Variants in DAB1 observed in about 807,000 individuals in gnomAD.
DAB1 encodes disabled homolog 1.
DAB1 carries 15 observed loss-of-function variants against 64.6 expected under a neutral mutation model. That is an observed-to-expected ratio of 0.23 (90% CI 0.16 to 0.36). DAB1 has a LOEUF of 0.36. DAB1 is among the 10% of genes least tolerant of loss of function. DAB1 has a pLI of 1.00. For missense variants in DAB1, 596 were observed against 706.7 expected, an observed-to-expected ratio of 0.84 and a Z score of 1.78; for synonymous variants, 235 against 251.9, an observed-to-expected ratio of 0.93 and a Z score of 0.64.
At chr1:58,246,702 T>G (rs753227054) in intron 4 of DAB1, among the ~76,000 whole-genome samples, 36 of 152,136 alleles carry the variant, frequency 2.4e-4, no homozygotes, top group Non-Finnish European at 4.4e-4. Flanking sequence ...TGTCTAATGC[T>G]GTGTATATGT....
chr1:57,683,854 C>T (rs527251377), intron 6 of DAB1, among the ~76,000 whole-genome samples: 1 of 152,080 alleles, frequency 6.6e-6, no homozygotes, highest in Non-Finnish European at 1.5e-5. Flanking sequence ...AAATTGAAAC[C>T]AATCCAAAGA....
At chr1:58,363,840 A>G (rs750275023) in intron 3 of DAB1, among the ~76,000 whole-genome samples, 4 of 150,694 alleles carry the variant, frequency 2.7e-5, no homozygotes, top group Non-Finnish European at 4.5e-5. Flanking sequence ...CTGTTGCTGC[A>G]CTGGGGAGCC....
intron 5 of DAB1, among the ~76,000 whole-genome samples, chr1:58,114,878 T>A (rs1439583165): frequency 2.0e-5 from 3 of 152,222 alleles, no homozygotes; most frequent in South Asian, 4.1e-4. Flanking sequence ...GGATTATGTC[T>A]GTGCCCCGCC....
chr1:57,950,270 G>A (rs957441130), intron 5 of DAB1, among the ~76,000 whole-genome samples: 2 of 152,084 alleles, frequency 1.3e-5, no homozygotes, highest in Non-Finnish European at 2.9e-5. Flanking sequence ...AGGGTTAAGA[G>A]GATGAAGTAA....
chr1:58,006,479 A>T (rs1023602584), intron 5 of DAB1, among the ~76,000 whole-genome samples: 1 of 152,218 alleles, frequency 6.6e-6, no homozygotes, highest in African/African-American at 2.4e-5. Flanking sequence ...GATATTTAGG[A>T]TCACAAAGAT....
chr1:58,155,862 A>C (rs1655196259), intron 4 of DAB1, among the ~76,000 whole-genome samples: 1 of 152,230 alleles, frequency 6.6e-6, no homozygotes, highest in African/African-American at 2.4e-5. Flanking sequence ...TACTGCTTCC[A>C]AACTAACACT....
At chr1:57,669,144 A>G (rs182230878) in intron 6 of DAB1, among the ~76,000 whole-genome samples, 2 of 152,216 alleles carry the variant, frequency 1.3e-5, no homozygotes, top group East Asian at 3.9e-4. Context: ...TTTTACTTTT[A>G]AAGTAACTGA....
intron 5 of DAB1, among the ~76,000 whole-genome samples, chr1:57,909,507 TAAA>T (rs1380307313): frequency 6.6e-6 from 1 of 152,172 alleles, no homozygotes; most frequent in Non-Finnish European, 1.5e-5. Flanking sequence ...CCCCTGAACT[TAAA>T]AAGTGAACAG....
intron 1 of DAB1, among the ~76,000 whole-genome samples, chr1:57,357,328 C>T (rs767679872): frequency 6.6e-6 from 1 of 151,968 alleles, no homozygotes; most frequent in Non-Finnish European, 1.5e-5. Flanking sequence ...TGATGCATAA[C>T]CTTTAACTGT....
intron 7 of DAB1, among the ~76,000 whole-genome samples, chr1:57,436,105 C>G (rs754621795): frequency 6.6e-6 from 1 of 151,810 alleles, no homozygotes; most frequent in South Asian, 2.1e-4. Context: ...TTAGTAGAGA[C>G]GGGGTTGCAC....
At chr1:58,107,307 A>C (rs1436003294) in intron 5 of DAB1, among the ~76,000 whole-genome samples, 1 of 150,420 alleles carries the variant, frequency 6.6e-6, no homozygotes, top group African/African-American at 2.4e-5. Flanking sequence ...AAAATACAAA[A>C]AAAAAAAAAA....
At chr1:57,329,093 A>G (rs1467231551) in intron 1 of DAB1, among the ~76,000 whole-genome samples, 2 of 152,194 alleles carry the variant, frequency 1.3e-5, no homozygotes, top group Non-Finnish European at 2.9e-5. Context: ...CACATGCTAC[A>G]TTCATTCCAC....
intron 3 of DAB1, among the ~76,000 whole-genome samples, chr1:58,485,730 T>G (rs2100359291): frequency 6.6e-6 from 1 of 152,304 alleles, no homozygotes; most frequent in East Asian, 1.9e-4. Flanking sequence ...AAAATTTTCC[T>G]ACCATATAGC....
At chr1:57,340,599 C>T (rs770734074) in intron 1 of DAB1, among the ~76,000 whole-genome samples, 1 of 152,208 alleles carries the variant, frequency 6.6e-6, no homozygotes. Flanking sequence ...ATTCCTTTGG[C>T]GGATGCAGTG....
At chr1:57,867,781 T>C (rs1251332145) in intron 1 of DAB1, among the ~76,000 whole-genome samples, 2 of 152,122 alleles carry the variant, frequency 1.3e-5, no homozygotes, top group African/African-American at 2.4e-5. Flanking sequence ...GCACACCAGA[T>C]TGCAAATCCA....
chr1:57,523,695 G>A (rs1644557811), intron 7 of DAB1, among the ~76,000 whole-genome samples: 1 of 152,152 alleles, frequency 6.6e-6, no homozygotes, highest in African/African-American at 2.4e-5. Flanking sequence ...GCCAAGGCAG[G>A]TGGATTACTT....
intron 2 of DAB1, among the ~76,000 whole-genome samples, chr1:58,523,032 A>G (rs1463920011): frequency 6.6e-6 from 1 of 152,206 alleles, no homozygotes; most frequent in Non-Finnish European, 1.5e-5. Flanking sequence ...GTAGTCTTGA[A>G]TAATCAGAAT....
chr1:58,050,065 T>C (rs374971963), intron 5 of DAB1, among the ~76,000 whole-genome samples: 3 of 152,146 alleles, frequency 2.0e-5, no homozygotes, highest in Admixed American at 6.5e-5. Context: ...GAGGATTGTA[T>C]GGAGAAGTGT....
At chr1:57,563,695 G>A (rs1371049023) in intron 7 of DAB1, among the ~76,000 whole-genome samples, 2 of 152,164 alleles carry the variant, frequency 1.3e-5, no homozygotes, top group Non-Finnish European at 2.9e-5. Flanking sequence ...CTCATTGCTA[G>A]CACAGCAGTC....
Sources: allele counts gnomAD v4.1 joint callset (sites outside exome capture counted in the v4.1 genomes callset), GRCh38; gene constraint gnomAD v4.1.1; transcripts MANE v1.5; gene names NCBI Gene and HGNC (gene_info 2026-07-23, HGNC 2026-07-21).